PDE4B: variants seen among roughly 807,000 people sequenced by gnomAD.
PDE4B encodes phosphodiesterase 4B, also known as 3',5'-cyclic-AMP phosphodiesterase 4B.
A neutral mutation model predicts 82.2 loss-of-function variants in PDE4B; 20 were observed. The observed-to-expected ratio is 0.24, with a 90% CI of 0.17 to 0.35. The LOEUF is 0.35. Among genes scored for constraint, PDE4B ranks in the 10% least tolerant of loss-of-function variants. The probability of loss-of-function intolerance (pLI) is 1.00; values close to 1 mark genes in which losing one functional copy is unlikely to be tolerated. For missense variants in PDE4B, 655 were observed against 907.2 expected (o/e 0.72, Z 3.57); for synonymous variants, 320 against 318.9 (o/e 1.00, Z -0.04).
At chr1:66,076,342 G>T (rs57550775) in intron 3 of PDE4B, among the ~76,000 whole-genome samples, 63,325 of 152,008 alleles carry the variant, frequency 0.42, 14,424 homozygotes, top group Non-Finnish European at 0.51. Context: ...CTACGTTGCT[G>T]CAAAGCACAT....
chr1:66,366,193 T>A (rs1365910908), intron 13 of PDE4B, among the ~76,000 whole-genome samples: 1 of 151,998 alleles, frequency 6.6e-6, no homozygotes, highest in African/African-American at 2.4e-5. Context: ...CATGGGAACC[T>A]CCAGGTAAAA....
chr1:65,985,416 C>A (rs996302621), intron 3 of PDE4B, among the ~76,000 whole-genome samples: 2 of 151,764 alleles, frequency 1.3e-5, no homozygotes, highest in Non-Finnish European at 2.9e-5. Flanking sequence ...TAGATTAATA[C>A]TATGTTATTT....
At chr1:66,139,735 C>CAAAAAAA (rs10654385) in intron 3 of PDE4B, among the ~76,000 whole-genome samples, 23 of 99,960 alleles carry the variant, frequency 2.3e-4, no homozygotes, top group Middle Eastern at 5.2e-3. Flanking sequence ...CCTCCCCCCT[C>CAAAAAAA]AAAAAAAAAA....
intron 3 of PDE4B, among the ~76,000 whole-genome samples, chr1:66,180,788 G>C (rs1382764256): frequency 1.3e-5 from 2 of 152,146 alleles, no homozygotes; most frequent in Non-Finnish European, 2.9e-5. Flanking sequence ...AGGCAAGAAT[G>C]ATTCTCAAGT....
At chr1:65,840,637 T>C (rs149345782) in intron 1 of PDE4B, among the ~76,000 whole-genome samples, 2 of 152,298 alleles carry the variant, frequency 1.3e-5, no homozygotes, top group East Asian at 1.9e-4. Flanking sequence ...CCATCTCTTA[T>C]GTTATTTTGG....
intron 3 of PDE4B, among the ~76,000 whole-genome samples, chr1:66,203,228 G>C (rs1030694677): frequency 5.3e-5 from 8 of 152,132 alleles, no homozygotes; most frequent in African/African-American, 1.9e-4. Context: ...CTGTTACTCT[G>C]ATGGGCTTCC....
chr1:66,250,162 G>A lies in PDE4B; in HGVS notation c.476+2508G>A, dbSNP rs919753549. ...GATTATTAACTCTTTAAGATGAATCGAAACAGAGGAACAGCAGCTCCCCAC... is the reference window on the plus strand; with the variant it reads ...GATTATTAACTCTTTAAGATGAATCAAAACAGAGGAACAGCAGCTCCCCAC... On this transcript the variant is annotated intron_variant, in intron 4 of 16. Coordinates refer to ENST00000341517, the MANE Select transcript of PDE4B (RefSeq NM_002600.4). 5.3e-5 allele frequency among the ~76,000 whole-genome samples: 8 copies of A among 152,118 alleles called. No homozygotes were observed. In the East Asian group the frequency reaches 9.7e-4, roughly 18 times the overall value.
chr1:65,838,147 T>C (rs1646162915), intron 1 of PDE4B, among the ~76,000 whole-genome samples: 1 of 152,214 alleles, frequency 6.6e-6, no homozygotes, highest in Admixed American at 6.5e-5. Flanking sequence ...TTTTGTTCAT[T>C]AGAAGTGTAT....
Position 66,325,315 on chromosome 1 carries a change from C to T in PDE4B, c.635-7193C>T, listed in dbSNP as rs144908081. On this transcript the variant is annotated intron_variant, in intron 7 of 16. Transcript: ENST00000341517. Reference sequence around the variant, plus strand: ...ATTATGGGAGGAAGCTGAGAAGGCGCCTAGCTTCACAGACTTACTATTTAT... The same window carrying T: ...ATTATGGGAGGAAGCTGAGAAGGCGTCTAGCTTCACAGACTTACTATTTAT... Among the ~76,000 whole-genome samples, 251 of 152,270 alleles carry T rather than the reference C, an allele frequency of 1.6e-3. 2 individuals carry two copies. The highest frequency in any genetic ancestry group is 5.9e-3 in the African/African-American group (246 of 41,554).
chr1:66,019,671 A>G (rs1652982662), intron 3 of PDE4B, among the ~76,000 whole-genome samples: 1 of 152,172 alleles, frequency 6.6e-6, no homozygotes, highest in East Asian at 1.9e-4. Context: ...TATTTTTAAT[A>G]GCTCACATTC....
intron 3 of PDE4B, among the ~76,000 whole-genome samples, chr1:66,080,560 A>T (rs546678864): frequency 1.3e-5 from 2 of 152,208 alleles, no homozygotes; most frequent in Admixed American, 1.3e-4. Context: ...AATAAAAATG[A>T]TAGGAAGTCT....
At chr1:65,940,680 T>A (rs553266840) in intron 3 of PDE4B, among the ~76,000 whole-genome samples, 1 of 152,072 alleles carries the variant, frequency 6.6e-6, no homozygotes, top group East Asian at 1.9e-4. Flanking sequence ...TGCTTTTTGC[T>A]TGATTTGCTA....
chr1:66,018,662 A>G (rs553114786), intron 3 of PDE4B, among the ~76,000 whole-genome samples: 10 of 152,306 alleles, frequency 6.6e-5, no homozygotes, highest in South Asian at 2.1e-4. Flanking sequence ...AAATAATTCA[A>G]TTTAAGGGTA....
chr1:66,106,510 A>G (rs1411841590), intron 3 of PDE4B, among the ~76,000 whole-genome samples: 1 of 150,948 alleles, frequency 6.6e-6, no homozygotes, highest in Non-Finnish European at 1.5e-5. Flanking sequence ...TTCAGAAGGA[A>G]TCATACCAGT....
At chr1:66,075,776 G>C (rs1656398177) in intron 3 of PDE4B, among the ~76,000 whole-genome samples, 1 of 151,992 alleles carries the variant, frequency 6.6e-6, no homozygotes. Flanking sequence ...TCATGCTCAT[G>C]TTCACCAAGC....
chr1:66,261,787 TA>T (rs1557665628), intron 6 of PDE4B, among the ~76,000 whole-genome samples: 1 of 152,210 alleles, frequency 6.6e-6, no homozygotes, highest in Non-Finnish European at 1.5e-5. Context: ...GGCTGCAAAT[TA>T]AAACCTACAC....
intron 8 of PDE4B, among the ~76,000 whole-genome samples, chr1:66,347,818 A>T (rs1457838792): frequency 6.6e-6 from 1 of 152,218 alleles, no homozygotes; most frequent in Non-Finnish European, 1.5e-5. Flanking sequence ...GCTGCAAAAA[A>T]TATTAGAAAC....
intron 3 of PDE4B, among the ~76,000 whole-genome samples, chr1:66,010,680 T>C (rs1162698601): frequency 2.0e-5 from 3 of 151,230 alleles, no homozygotes; most frequent in African/African-American, 7.3e-5. Context: ...TCCCACTTCA[T>C]TGACTTTCTT....
chr1:66,091,161 A>T (rs1040827731), intron 3 of PDE4B, among the ~76,000 whole-genome samples: 1 of 151,952 alleles, frequency 6.6e-6, no homozygotes, highest in Non-Finnish European at 1.5e-5. Context: ...AATTAACGAG[A>T]CACCCTAGGT....
Sources: gnomAD v4.1 joint callset for allele counts (sites outside exome capture counted in the v4.1 genomes callset) on GRCh38, gnomAD v4.1.1 for gene constraint, MANE v1.5 for transcripts, NCBI Gene and HGNC (gene_info 2026-07-23, HGNC 2026-07-21) for gene names.